Variants in ST7 observed in about 807,000 individuals in gnomAD.
The protein encoded by ST7 is suppressor of tumorigenicity 7 protein.
ST7 carries 28 observed loss-of-function variants against 78.7 expected under a neutral mutation model. The ratio of observed to expected loss-of-function variants is 0.36; its 90% CI spans 0.26 to 0.49. ST7 has a LOEUF of 0.49. ST7 is among the 20% of genes least tolerant of loss of function. The pLI is 0.99. For missense variants in ST7, 418 were observed against 696.0 expected, an observed-to-expected ratio of 0.60 and a Z score of 4.49; for synonymous variants, 247 against 249.6, an observed-to-expected ratio of 0.99 and a Z score of 0.10.
At chr7:116,988,065 T>C (rs1794263379) in intron 1 of ST7, among the ~76,000 whole-genome samples, 1 of 152,258 alleles carries the variant, frequency 6.6e-6, no homozygotes, top group Non-Finnish European at 1.5e-5. Flanking sequence ...TAGCCAGTCC[T>C]AATATAATGA....
At chr7:117,156,295 G>A (rs933646804) in intron 9 of ST7, among the ~76,000 whole-genome samples, 3 of 151,998 alleles carry the variant, frequency 2.0e-5, no homozygotes, top group African/African-American at 7.2e-5. Context: ...ATTGGCTGTG[G>A]AAAAAAAGAA....
chr7:117,059,250 C>T (rs929385671), intron 1 of ST7, among the ~76,000 whole-genome samples: 2 of 152,004 alleles, frequency 1.3e-5, no homozygotes, highest in Non-Finnish European at 2.9e-5. Context: ...CCTCATTGAC[C>T]CTGATGCCTG....
At chr7:116,972,166 T>A in intron 1 of ST7, 1 of 556,542 alleles carries the variant, frequency 1.8e-6, no homozygotes, top group Non-Finnish European at 3.5e-6. Flanking sequence ...CTGGGCTTTC[T>A]ACATCTCATT....
chr7:117,161,591 C>A, intron 9 of ST7, among the ~76,000 whole-genome samples: 1 of 113,584 alleles, frequency 8.8e-6, no homozygotes, highest in East Asian at 2.6e-4. Context: ...TTCTTTCTTT[C>A]TTTTTTTTTT....
At chr7:117,093,827 T>A (rs1391513524) in intron 1 of ST7, among the ~76,000 whole-genome samples, 2 of 152,240 alleles carry the variant, frequency 1.3e-5, no homozygotes, top group Non-Finnish European at 2.9e-5. Context: ...GTGACAACTA[T>A]GCAAGATAGG....
intron 1 of ST7, among the ~76,000 whole-genome samples, chr7:116,998,206 G>C (rs983323452): frequency 1.4e-4 from 22 of 152,198 alleles, no homozygotes; most frequent in African/African-American, 5.3e-4. Flanking sequence ...CACTGCTGGG[G>C]GACCCGGCGC....
At chr7:117,163,898 C>G (rs1327911612) in intron 9 of ST7, among the ~76,000 whole-genome samples, 3 of 152,082 alleles carry the variant, frequency 2.0e-5, no homozygotes, top group Non-Finnish European at 4.4e-5. Flanking sequence ...CCTATGTTTT[C>G]TTCTAGTAGT....
intron 1 of ST7, among the ~76,000 whole-genome samples, chr7:117,091,745 G>A (rs573285042): frequency 1.2e-4 from 18 of 152,228 alleles, no homozygotes; most frequent in Admixed American, 6.5e-4. Flanking sequence ...ACAAATTTCC[G>A]TAAATATAGC....
chr7:116,955,248 C>G (rs1357678872), intron 1 of ST7: 7 of 382,830 alleles, frequency 1.8e-5, no homozygotes, highest in South Asian at 1.4e-4. Flanking sequence ...TTGTTGGTAA[C>G]AGTGTTAGTC....
At chr7:116,966,132 C>A in intron 1 of ST7, 1 of 461,348 alleles carries the variant, frequency 2.2e-6, no homozygotes, top group Non-Finnish European at 4.5e-6. Context: ...CCTGCAAAAA[C>A]AAAAGATATA....
chr7:116,965,362 T>G, intron 1 of ST7, among the ~76,000 whole-genome samples: 1 of 147,940 alleles, frequency 6.8e-6, no homozygotes. Flanking sequence ...AAAAAAAAAT[T>G]CTATGGACAC....
chr7:116,998,782 G>C (rs969047245), intron 1 of ST7, among the ~76,000 whole-genome samples: 2 of 152,216 alleles, frequency 1.3e-5, no homozygotes, highest in African/African-American at 4.8e-5. Flanking sequence ...TGAGTAAATA[G>C]TGGGAAGAAA....
chr7:117,018,724 C>T (rs1795735613), intron 1 of ST7, among the ~76,000 whole-genome samples: 1 of 152,056 alleles, frequency 6.6e-6, no homozygotes, highest in Non-Finnish European at 1.5e-5. Context: ...TGGTATATAC[C>T]TTGTAGGGTT....
intron 1 of ST7, among the ~76,000 whole-genome samples, chr7:117,007,901 G>C (rs918133967): frequency 6.6e-6 from 1 of 152,176 alleles, no homozygotes; most frequent in African/African-American, 2.4e-5. Context: ...ACAAATGTCT[G>C]TCTCTAGAAA....
intron 1 of ST7, among the ~76,000 whole-genome samples, chr7:117,075,659 A>G (rs1408517717): frequency 1.3e-5 from 2 of 152,208 alleles, no homozygotes; most frequent in African/African-American, 2.4e-5. Flanking sequence ...GCTGGAGAAG[A>G]ACATACATCC....
chr7:117,128,577 A>C (rs1804066919), intron 3 of ST7, among the ~76,000 whole-genome samples: 1 of 151,886 alleles, frequency 6.6e-6, no homozygotes, highest in South Asian at 2.1e-4. Context: ...AAATAAGTAC[A>C]TCTTCTTTAA....
chr7:117,036,921 C>T (rs1260135157), intron 1 of ST7, among the ~76,000 whole-genome samples: 4 of 152,044 alleles, frequency 2.6e-5, no homozygotes, highest in Non-Finnish European at 4.4e-5. Context: ...TTTCTTTCAG[C>T]GCTTCAGCCT....
intron 10 of ST7, among the ~76,000 whole-genome samples, chr7:117,182,477 T>C (rs771159590): frequency 2.0e-5 from 3 of 152,234 alleles, no homozygotes; most frequent in Non-Finnish European, 4.4e-5. Context: ...TTTTAAGATT[T>C]GAAATTTAAT....
At chr7:117,031,920 C>T in intron 1 of ST7, among the ~76,000 whole-genome samples, 1 of 140,610 alleles carries the variant, frequency 7.1e-6, no homozygotes, top group African/African-American at 2.7e-5. Flanking sequence ...CTTGCTTTGT[C>T]ACCCAGGCTG....
Sources: gnomAD v4.1 joint callset for allele counts (sites outside exome capture counted in the v4.1 genomes callset) on GRCh38, gnomAD v4.1.1 for gene constraint, MANE v1.5 for transcripts, NCBI Gene and HGNC (gene_info 2026-07-23, HGNC 2026-07-21) for gene names.